PRKD1: variants seen among roughly 807,000 people sequenced by gnomAD.
The protein encoded by PRKD1 is protein kinase D1.
In PRKD1, 63 loss-of-function variants were observed where a neutral mutation model predicts 95.9. The observed-to-expected ratio is 0.66, with a 90% CI of 0.54 to 0.81. PRKD1 has a LOEUF of 0.81. Ranked by LOEUF, PRKD1 falls within the 30% of genes least tolerant of loss-of-function variation. The probability of loss-of-function intolerance (pLI) is 0.00; values close to 1 mark genes in which losing one functional copy is unlikely to be tolerated. For synonymous variants in PRKD1, 425 were observed against 423.1 expected, an observed-to-expected ratio of 1.00 and a Z score of -0.05; for missense variants, 1,048 against 1,165.3, an observed-to-expected ratio of 0.90 and a Z score of 1.47.
chr14:29,742,395 T>C (rs1283102435), intron 1 of PRKD1, among the ~76,000 whole-genome samples: 2 of 152,194 alleles, frequency 1.3e-5, no homozygotes, highest in South Asian at 4.1e-4. Flanking sequence ...TCTATGCTTG[T>C]ATTAAAAGGG....
At position 29,927,533 on chromosome 14, in the gene PRKD1, C is replaced by T; in HGVS notation, c.-21G>A. ...CTCATCGCTCGGCGGGGCGCAGGGC[C>T]GGGCAGCGGAGGGCGGGGGCTGGCG... On this transcript the variant is annotated 5_prime_UTR_variant, in exon 1 of 18. Transcript: ENST00000331968. 8.6e-7 allele frequency: 1 copy of T among 1,160,106 alleles called. No homozygotes were observed. The highest frequency in any genetic ancestry group is 1.6e-5 in the African/African-American group (1 of 61,636). 71.9% of individuals were successfully genotyped at this position (1,160,106 alleles called of 1,614,324 possible).
At chr14:29,901,925 C>T (rs954031058) in intron 1 of PRKD1, among the ~76,000 whole-genome samples, 2 of 152,178 alleles carry the variant, frequency 1.3e-5, no homozygotes, top group African/African-American at 4.8e-5. Context: ...AGCTCTTTGA[C>T]TTTGTACCTC....
intron 1 of PRKD1, among the ~76,000 whole-genome samples, chr14:29,772,822 T>C (rs1169213136): frequency 2.6e-5 from 4 of 152,344 alleles, no homozygotes; most frequent in East Asian, 1.9e-4. Flanking sequence ...ATCTCCTATA[T>C]GTCTAACCTC....
chr14:29,599,688 G>A lies in PRKD1; in HGVS notation c.2035C>T (p.Pro679Ser). The A allele has an allele frequency of 6.2e-7, 1 of 1,612,708 alleles. No homozygotes were observed. The change falls in exon 14 of 18, where the codon CCA becomes TCA. Residue 679 changes from proline (P) to serine (S), a missense_variant. By Grantham distance (74) the Pro-to-Ser change is moderately conservative. Coordinates refer to ENST00000331968, the MANE Select transcript of PRKD1 (RefSeq NM_002742.3). ...ATTAAAAACTTCGTTATGTGCTCTG[G>A]CAACCTGCCCTTTTCACTTGACAAG... Reference protein sequence around the residue: ...MILSSEKGRLPEHITKFLITQ... With the variant: ...MILSSEKGRLSEHITKFLITQ...
rs55852813 is a variant in PRKD1 at position 29,630,982 on chromosome 14, T to G, written c.1432A>C (p.Lys478Gln). 1.9e-5 allele frequency: 31 copies of G among 1,613,254 alleles called. No homozygotes were observed. In the East Asian group the frequency reaches 6.5e-4, roughly 34 times the overall value. The change falls in exon 10 of 18, where the codon AAA becomes CAA. Residue 478 changes from lysine to glutamine, a missense_variant. This residue lies in a region of PRKD1 where 739 missense variants were observed against 861.9 expected (regional missense o/e 0.86). Coordinates refer to ENST00000331968, the MANE Select transcript of PRKD1 (RefSeq NM_002742.3). ...CCATTAGGAATTAAAGCTGAAGTTT[T>G]TACTGGTTCCAGAGACAAAATTTCA... ...LSEILSLEPV[K>Q]TSALIPNGAN...
At chr14:29,815,946 G>A (rs1033344020) in intron 1 of PRKD1, among the ~76,000 whole-genome samples, 13 of 152,214 alleles carry the variant, frequency 8.5e-5, no homozygotes, top group Admixed American at 1.3e-4. Context: ...CAGGCCGGGC[G>A]CGGTGGCTCA....
Position 29,757,575 on chromosome 14 carries a change from T to A in PRKD1, c.265-31901A>T, listed in dbSNP as rs1300649093. ...AGGTGGCTGGGAATAGTTCTGAGTGTCACAACAAAGACTTTGCATTTTATT... is the reference window on the plus strand; with the variant it reads ...AGGTGGCTGGGAATAGTTCTGAGTGACACAACAAAGACTTTGCATTTTATT... On this transcript the variant is annotated intron_variant, in intron 1 of 17. Coordinates refer to ENST00000331968, the MANE Select transcript of PRKD1 (RefSeq NM_002742.3). 2.0e-5 allele frequency among the ~76,000 whole-genome samples: 3 copies of A among 152,014 alleles called. No individual in the cohort carries two copies. In the East Asian group the frequency reaches 5.8e-4, roughly 29 times the overall value.
At position 29,794,145 on chromosome 14, in the gene PRKD1, C is replaced by T. The variant is rs546962052; in HGVS notation, c.265-68471G>A. Among the ~76,000 whole-genome samples the T allele has an allele frequency of 1.7e-4, 26 of 152,034 alleles. No homozygotes were observed. In the South Asian group the frequency reaches 5.4e-3, roughly 32 times the overall value. On this transcript the variant is annotated intron_variant, in intron 1 of 17. Transcript: ENST00000331968. Reference sequence around the variant, plus strand: ...AATGCTGATTCTATAAAAGGAGGCTCAGAATTTTTAAGTTATTTTAGACTA... The same window carrying T: ...AATGCTGATTCTATAAAAGGAGGCTTAGAATTTTTAAGTTATTTTAGACTA...
chr14:29,872,312 T>C (rs1005086040), intron 1 of PRKD1, among the ~76,000 whole-genome samples: 6 of 152,186 alleles, frequency 3.9e-5, no homozygotes, highest in African/African-American at 1.4e-4. Flanking sequence ...TTAAACATTC[T>C]TAAATAATTA....
chr14:29,872,826 A>G (rs1173112820), intron 1 of PRKD1, among the ~76,000 whole-genome samples: 1 of 152,204 alleles, frequency 6.6e-6, no homozygotes, highest in Non-Finnish European at 1.5e-5. Flanking sequence ...ATACATCTGT[A>G]TTTAGAAGCT....
chr14:29,771,187 CA>C (rs1187305098), intron 1 of PRKD1, among the ~76,000 whole-genome samples: 2 of 152,044 alleles, frequency 1.3e-5, no homozygotes, highest in African/African-American at 4.8e-5. Context: ...TGTGGCTAAG[CA>C]ACCCTTTGAT....
chr14:29,753,064 TAGAA>T (rs201548218), intron 1 of PRKD1, among the ~76,000 whole-genome samples: 1,904 of 149,544 alleles, frequency 0.013, 32 homozygotes, highest in African/African-American at 0.045. Context: ...AAAATATAGA[TAGAA>T]AGGGGGAAAA....
At chr14:29,599,155 C>T (rs780716694) in intron 14 of PRKD1, 30 bp from the exon 15 acceptor site, 4 of 1,571,396 alleles carry the variant, frequency 2.5e-6, no homozygotes, top group South Asian at 1.1e-5. Context: ...AAATTTCATT[C>T]CAGTTTATTA....
chr14:29,901,159 A>G (rs1388145656), intron 1 of PRKD1, among the ~76,000 whole-genome samples: 1 of 152,234 alleles, frequency 6.6e-6, no homozygotes, highest in Non-Finnish European at 1.5e-5. Flanking sequence ...ACACAGCCAT[A>G]AAAAAGAATG....
chr14:29,704,219 C>T (rs1398326212), intron 2 of PRKD1, among the ~76,000 whole-genome samples: 2 of 151,910 alleles, frequency 1.3e-5, no homozygotes, highest in Non-Finnish European at 1.5e-5. Flanking sequence ...AAAGAAGACC[C>T]ATGACTCAGA....
At chr14:29,645,072 T>C (rs1307496016) in intron 4 of PRKD1, among the ~76,000 whole-genome samples, 1 of 152,186 alleles carries the variant, frequency 6.6e-6, no homozygotes, top group Non-Finnish European at 1.5e-5. Flanking sequence ...CAGATAACAA[T>C]GATTCCTTTC....
At chr14:29,761,634 C>T (rs1299771814) in intron 1 of PRKD1, among the ~76,000 whole-genome samples, 1 of 152,110 alleles carries the variant, frequency 6.6e-6, no homozygotes, top group Admixed American at 6.5e-5. Flanking sequence ...CACTGATACA[C>T]TTATGTTACT....
intron 1 of PRKD1, among the ~76,000 whole-genome samples, chr14:29,882,792 T>C (rs1893558696): frequency 2.0e-5 from 3 of 152,228 alleles, no homozygotes; most frequent in East Asian, 1.9e-4. Flanking sequence ...CATAACATCC[T>C]CAAGATTCAT....
At chr14:29,795,109 A>C (rs1889755639) in intron 1 of PRKD1, among the ~76,000 whole-genome samples, 1 of 151,994 alleles carries the variant, frequency 6.6e-6, no homozygotes, top group Non-Finnish European at 1.5e-5. Flanking sequence ...TTTGAATATT[A>C]CTCTTAAACA....
Sources: allele counts gnomAD v4.1 joint callset (sites outside exome capture counted in the v4.1 genomes callset), GRCh38; gene constraint gnomAD v4.1.1; regional missense constraint gnomAD v4.1.1; transcripts MANE v1.5; gene names NCBI Gene and HGNC (gene_info 2026-07-23, HGNC 2026-07-21).